The following FAM83B variants were observed in gnomAD, a reference collection of about 807,000 sequenced individuals.
The protein encoded by FAM83B is scaffolding CK1 anchoring protein B.
In FAM83B, 26 loss-of-function variants were observed where a neutral mutation model predicts 38.8. That is an observed-to-expected ratio of 0.67 (90% CI 0.49 to 0.93). The LOEUF (loss-of-function observed/expected upper bound fraction) is 0.93. FAM83B is among the 40% of genes least tolerant of loss of function. The pLI, the probability that FAM83B is intolerant of heterozygous loss-of-function variation, is 0.00. For missense variants in FAM83B, 1,237 were observed against 1,197.3 expected, an observed-to-expected ratio of 1.03 and a Z score of -0.49; for synonymous variants, 419 against 423.1, an observed-to-expected ratio of 0.99 and a Z score of 0.12.
chr6:54,871,325 A>G (rs1771846733), intron 2 of FAM83B, among the ~76,000 whole-genome samples: 1 of 151,958 alleles, frequency 6.6e-6, no homozygotes, highest in Non-Finnish European at 1.5e-5. Context: ...CTCTTTAATC[A>G]AGCAACAAAA....
intron 2 of FAM83B, among the ~76,000 whole-genome samples, chr6:54,903,773 A>G (rs1332837669): frequency 1.3e-5 from 2 of 151,788 alleles, no homozygotes; most frequent in African/African-American, 4.8e-5. Context: ...TGCTAGTTAC[A>G]TACTATTTTA....
chr6:54,864,242 T>C (rs1303988630), intron 1 of FAM83B, among the ~76,000 whole-genome samples: 3 of 152,196 alleles, frequency 2.0e-5, no homozygotes, highest in Non-Finnish European at 2.9e-5. Context: ...TGGAATCATA[T>C]TGGTATGAAA....
chr6:54,921,854 A>G (rs1035926652), intron 2 of FAM83B, among the ~76,000 whole-genome samples: 7 of 152,022 alleles, frequency 4.6e-5, no homozygotes, highest in African/African-American at 1.4e-4. Flanking sequence ...CCTCATTTCT[A>G]ATTATTATTC....
intron 1 of FAM83B, among the ~76,000 whole-genome samples, chr6:54,847,740 G>A (rs1356045092): frequency 6.6e-6 from 1 of 152,124 alleles, no homozygotes; most frequent in Non-Finnish European, 1.5e-5. Context: ...GAGGCTGGGA[G>A]GTTATGGAAA....
Position 54,870,631 on chromosome 6 carries a change from A to G in FAM83B, c.385A>G (p.Arg129Gly). The change falls in exon 2 of 5, where the codon AGA (arginine) becomes GGA (glycine). Residue 129 changes from arginine to glycine, a missense_variant. Arg to Gly is a moderately radical substitution (Grantham distance 125, BLOSUM62 -2). Transcript: ENST00000306858. ...TATAGATCTCCTTTTTCATCCACCA[A>G]GAGCACATCTACTTACGATAAAAGA... ...THIDLLFHPP[R>G]AHLLTIKETI... 6.2e-7 allele frequency: 1 copy of G among 1,613,890 alleles called. No individual in the cohort carries two copies.
chr6:54,852,282 C>G (rs985505447), intron 1 of FAM83B, among the ~76,000 whole-genome samples: 3 of 152,178 alleles, frequency 2.0e-5, no homozygotes, highest in Non-Finnish European at 1.5e-5. Context: ...TGCCATTTTT[C>G]CAACAGCACA....
rs930794598 is a variant in FAM83B, at chr6:54,939,575, G to A, written c.735-131G>A. ...AAAACATGTAGTGCATGTAATGACG[G>A]AAAATATTCTAAATAATGATAGCCA... is the stretch of plus-strand genomic sequence containing the variant. On this transcript the variant is annotated intron_variant, in intron 4 of 4. Coordinates refer to ENST00000306858, the MANE Select transcript of FAM83B (RefSeq NM_001010872.3). 4 of 863,114 alleles carry A rather than the reference G, an allele frequency of 4.6e-6. No individual in the cohort carries two copies. The African/African-American group carries it at 6.9e-5, about 15-fold the overall frequency. The allele number at this position is 863,114 out of a possible 1,614,324, so 53.5% of individuals were successfully genotyped here.
intron 2 of FAM83B, among the ~76,000 whole-genome samples, chr6:54,911,539 C>T (rs1439551698): frequency 4.6e-5 from 7 of 152,038 alleles, no homozygotes; most frequent in Admixed American, 4.6e-4. Context: ...CTTTTCTTCC[C>T]TCCTCTCAGA....
chr6:54,942,993 C>A lies in FAM83B; in HGVS notation c.*986C>A, dbSNP rs977271690. Among the ~76,000 whole-genome samples the A allele has an allele frequency of 6.6e-6, 1 of 151,718 alleles. No individual in the cohort carries two copies. The highest frequency in any genetic ancestry group is 2.4e-5 in the African/African-American group (1 of 41,258). On this transcript the variant is annotated 3_prime_UTR_variant, in exon 5 of 5. Transcript: ENST00000306858. ...TCTTGGCTCACTGCAACCTCTGCCT[C>A]CCAAGTTCAAACGATTCTCCTGCCT...
At chr6:54,862,123 C>G (rs538362512) in intron 1 of FAM83B, among the ~76,000 whole-genome samples, 1 of 152,170 alleles carries the variant, frequency 6.6e-6, no homozygotes. Flanking sequence ...TGTACTCAGG[C>G]ACCAGTTTCC....
chr6:54,904,025 A>G (rs999602523), intron 2 of FAM83B, among the ~76,000 whole-genome samples: 1 of 151,468 alleles, frequency 6.6e-6, no homozygotes, highest in African/African-American at 2.4e-5. Context: ...TGCATCCTAG[A>G]TTGTTGTTGT....
At chr6:54,897,619 G>A (rs1305329231) in intron 2 of FAM83B, among the ~76,000 whole-genome samples, 1 of 152,086 alleles carries the variant, frequency 6.6e-6, no homozygotes, top group Non-Finnish European at 1.5e-5. Context: ...CTCTTATTGG[G>A]TAGAGTTATA....
At chr6:54,919,999 G>T (rs1317796452) in intron 2 of FAM83B, among the ~76,000 whole-genome samples, 1 of 151,878 alleles carries the variant, frequency 6.6e-6, no homozygotes, top group African/African-American at 2.4e-5. Flanking sequence ...AGTTAAGATA[G>T]ATTCTTAAAT....
intron 2 of FAM83B, among the ~76,000 whole-genome samples, chr6:54,879,804 A>G (rs1298393963): frequency 6.6e-6 from 1 of 152,182 alleles, no homozygotes; most frequent in Non-Finnish European, 1.5e-5. Flanking sequence ...CACATACAGA[A>G]GAATGTAAGA....
At chr6:54,868,773 C>T (rs897152068) in intron 1 of FAM83B, among the ~76,000 whole-genome samples, 4 of 152,066 alleles carry the variant, frequency 2.6e-5, no homozygotes, top group African/African-American at 7.2e-5. Flanking sequence ...GAGGGCTTTC[C>T]AAAAGACAGA....
chr6:54,852,936 C>CG (rs1771344213), intron 1 of FAM83B, among the ~76,000 whole-genome samples: 1 of 77,024 alleles, frequency 1.3e-5, no homozygotes, highest in African/African-American at 1.1e-4. Context: ...ATTTTTGTTG[C>CG]AATTTTTTTT....
intron 2 of FAM83B, among the ~76,000 whole-genome samples, chr6:54,884,506 T>C (rs1378753178): frequency 1.2e-4 from 18 of 150,466 alleles, no homozygotes; most frequent in Admixed American, 1.1e-3. Context: ...AAAAGAAATA[T>C]TTGCCTTCCC....
At chr6:54,915,387 G>A (rs181063348) in intron 2 of FAM83B, among the ~76,000 whole-genome samples, 14 of 152,300 alleles carry the variant, frequency 9.2e-5, no homozygotes, top group East Asian at 7.7e-4. Flanking sequence ...ATTAGCCAAT[G>A]AGTCTTGTCA....
intron 2 of FAM83B, among the ~76,000 whole-genome samples, chr6:54,911,806 T>G (rs1581917316): frequency 6.6e-6 from 1 of 152,136 alleles, no homozygotes; most frequent in African/African-American, 2.4e-5. Flanking sequence ...AATATTTCAT[T>G]TGCCCAAATT....
Sources: allele counts gnomAD v4.1 joint callset (sites outside exome capture counted in the v4.1 genomes callset), GRCh38; gene constraint gnomAD v4.1.1; transcripts MANE v1.5; gene names NCBI Gene and HGNC (gene_info 2026-07-23, HGNC 2026-07-21).